Variants in VWA5B2 observed in about 807,000 individuals in gnomAD.
VWA5B2 encodes von Willebrand factor A domain-containing protein 5B2.
A neutral mutation model predicts 118.5 loss-of-function variants in VWA5B2; 93 were observed. That is an observed-to-expected ratio of 0.79 (90% CI 0.66 to 0.93). VWA5B2 has a LOEUF of 0.93. VWA5B2 is among the 40% of genes least tolerant of loss of function. The pLI is 0.00. For missense variants in VWA5B2, 1,546 were observed against 1,672.8 expected (o/e 0.92, Z 1.32); for synonymous variants, 708 against 716.3 (o/e 0.99, Z 0.19).
In VWA5B2 at chr3:184,238,903, G is replaced by A; in HGVS notation, c.2202+30G>A. 2 of 1,454,296 alleles carry A rather than the reference G, an allele frequency of 1.4e-6. No individual in the cohort carries two copies. The highest frequency in any genetic ancestry group is 1.8e-6 in the Non-Finnish European group (2 of 1,097,398). 90.1% of individuals were successfully genotyped at this position (1,454,296 alleles called of 1,614,324 possible). On this transcript the variant is annotated intron_variant, in intron 14 of 19. Transcript: ENST00000691901. This position sits in a 1 kb window ranked among gnomAD's most constrained non-coding sequence, Gnocchi z 5.0. Reference sequence around the variant, plus strand: ...GATCCAACCCACATTCATTCGCCTTGTATCCAGCAAATATTTATTTACCAC... The same window carrying A: ...GATCCAACCCACATTCATTCGCCTTATATCCAGCAAATATTTATTTACCAC...
rs1001347533 is a variant in VWA5B2, at chr3:184,240,050, G to A, written c.2740+14G>A. ...CAGCTGACCGGGGTGAGTTGCTCAT[G>A]GGTCCAGTCAGGACCCAAAGGCATG... On this transcript the variant is annotated intron_variant, in intron 16 of 19. Transcript: ENST00000691901. The A allele has an allele frequency of 1.3e-6, 2 of 1,520,008 alleles. No homozygotes were observed. Among genetic ancestry groups the A allele is most frequent in the African/African-American group, 2.8e-5 (2 of 72,432 alleles). 94.2% of individuals were successfully genotyped at this position (1,520,008 alleles called of 1,614,324 possible). A position where few individuals can be genotyped will look rare whatever the true frequency, so the allele number is the denominator to read the frequency against.
At chr3:184,232,960 T>C in intron 3 of VWA5B2, 1 of 573,212 alleles carries the variant, frequency 1.7e-6, no homozygotes, top group Non-Finnish European at 3.1e-6. Flanking sequence ...TCACTGCTGC[T>C]CTTGCCTGAT....
In VWA5B2 at chr3:184,239,389, T is replaced by A. The variant is rs1718322420; in HGVS notation, c.2203-5T>A. Reference sequence around the variant, plus strand: ...TGACCAGTGGCCCCCATATCTCACATGCAGGTGGGGGCCTTGAGTACTGAG... The same window carrying A: ...TGACCAGTGGCCCCCATATCTCACAAGCAGGTGGGGGCCTTGAGTACTGAG... On this transcript the variant is annotated splice_polypyrimidine_tract_variant and splice_region_variant and intron_variant, in intron 14 of 19. Coordinates refer to ENST00000691901, the MANE Select transcript of VWA5B2 (RefSeq NM_001390846.1). The surrounding 1 kb of genome is among the most constrained non-coding windows in gnomAD (Gnocchi z 5.1). 3 of 1,533,106 alleles carry A rather than the reference T, an allele frequency of 2.0e-6. No homozygotes were observed. The highest frequency in any genetic ancestry group is 2.8e-5 in the African/African-American group (2 of 72,614). 95.0% of individuals were successfully genotyped at this position (1,533,106 alleles called of 1,614,324 possible). A position where few individuals can be genotyped will look rare whatever the true frequency, so the allele number is the denominator to read the frequency against.
intron 6 of VWA5B2, 32 bp from the exon 7 acceptor site, chr3:184,234,599 T>C (rs1577088185): frequency 6.5e-7 from 1 of 1,548,662 alleles, no homozygotes; most frequent in East Asian, 2.4e-5. Flanking sequence ...AGGCAGGGCC[T>C]TCCTTGACAG....
In VWA5B2 at chr3:184,235,256, C is replaced by G. The variant is rs190343206; in HGVS notation, c.1049C>G (p.Thr350Arg). 1.7e-4 allele frequency: 267 copies of G among 1,551,622 alleles called. 4 individuals carry two copies. The Middle Eastern group carries it at 4.3e-3, about 25-fold the overall frequency. Residue 350 changes from threonine (T) to arginine (R), a missense_variant, in exon 8 of 20, where the codon ACA (threonine) becomes AGA (arginine). This residue lies in a region of VWA5B2 where 775 missense variants were observed against 882.3 expected (regional missense o/e 0.88). Coordinates refer to ENST00000691901, the MANE Select transcript of VWA5B2 (RefSeq NM_001390846.1). ...DLSSKPGHLG[T>R]ATRELLFLLD... ...AGCTCCAAGCCCGGACACCTGGGGA[C>G]AGCTACTCGGGAGCTACTCTTCCTT... is the stretch of plus-strand genomic sequence containing the variant.
Position 184,241,347 on chromosome 3 carries a change from C to T in VWA5B2, c.3123C>T (p.Ser1041=), listed in dbSNP as rs1424227250. Residue 1041 remains serine (S), a synonymous_variant, in exon 19 of 20, where the codon AGC becomes AGT. Transcript: ENST00000691901. The surrounding 1 kb of genome is among the most constrained non-coding windows in gnomAD (Gnocchi z 5.1). ...LSMGRRHKLC[S]PDPGQANNSE... ...TGGGCCGCCGTCACAAACTCTGTAGCCCTGACCCGGGCCAGGCCAACAACA... is the reference window on the plus strand; with the variant it reads ...TGGGCCGCCGTCACAAACTCTGTAGTCCTGACCCGGGCCAGGCCAACAACA... 3.2e-6 allele frequency: 5 copies of T among 1,552,712 alleles called. No individual in the cohort carries two copies. In the East Asian group the frequency reaches 7.3e-5, roughly 23 times the overall value.
intron 8 of VWA5B2, among the ~76,000 whole-genome samples, 180 bp downstream of exon 8, chr3:184,235,488 G>T (rs896148499): frequency 6.6e-6 from 1 of 152,126 alleles, no homozygotes; most frequent in Admixed American, 6.5e-5. Flanking sequence ...TGCTCCAACC[G>T]CCAAACAGAC....
chr3:184,234,145 C>A, intron 5 of VWA5B2, 121 bp from the exon 6 acceptor site: 1 of 1,279,026 alleles, frequency 7.8e-7, no homozygotes, highest in South Asian at 1.5e-5. Flanking sequence ...CCTCGTCCAT[C>A]TGACCCCATA....
At position 184,241,399 on chromosome 3, in the gene VWA5B2, C is replaced by A; in HGVS notation, c.3175C>A (p.Pro1059Thr). ...NSEGSDHDYLPLVRLQEAPGS... is the reference protein window; with the variant it reads ...NSEGSDHDYLTLVRLQEAPGS... The stretch of plus-strand genomic sequence containing the variant: ...TGAAGGCAGCGACCATGACTACCTG[C>A]CCTTGGTGAGGACTCGGGAGGTGGA... Residue 1059 changes from proline to threonine, a missense_variant, in exon 19 of 20, where the codon CCC becomes ACC. Physicochemically the swap from Pro to Thr is conservative, Grantham distance 38 (BLOSUM62 -1). This residue lies in a region of VWA5B2 where 763 missense variants were observed against 766.6 expected (regional missense o/e 1.00). Coordinates refer to ENST00000691901, the MANE Select transcript of VWA5B2 (RefSeq NM_001390846.1). The surrounding 1 kb of genome is among the most constrained non-coding windows in gnomAD (Gnocchi z 5.1). 1 of 1,580,600 alleles carries A rather than the reference C, an allele frequency of 6.3e-7. No homozygotes were observed.
At position 184,241,196 on chromosome 3, in the gene VWA5B2, G is replaced by A; in HGVS notation, c.2972G>A (p.Arg991Lys). The change falls in exon 19 of 20, where the codon AGA (arginine) becomes AAA (lysine). Residue 991 changes from arginine to lysine, a missense_variant. This residue lies in a region of VWA5B2 where 763 missense variants were observed against 766.6 expected (regional missense o/e 1.00). Coordinates refer to ENST00000691901, the MANE Select transcript of VWA5B2 (RefSeq NM_001390846.1). This position sits in a 1 kb window ranked among gnomAD's most constrained non-coding sequence, Gnocchi z 5.1. ...PTVVYSKGLQ[R>K]GSPAGAWDSD... ...ATGATCCCCACTGCAGGACTTCAGA[G>A]AGGCTCTCCAGCAGGCGCCTGGGAC... 1 of 1,550,760 alleles carries A rather than the reference G, an allele frequency of 6.4e-7. No individual in the cohort carries two copies. The highest frequency in any genetic ancestry group is 8.7e-7 in the Non-Finnish European group (1 of 1,146,440).
rs374950252 is a variant in VWA5B2 at position 184,238,632 on chromosome 3, G to A, written c.1961G>A (p.Arg654His). 2.4e-5 allele frequency: 38 copies of A among 1,551,818 alleles called. No homozygotes were observed. The highest frequency in any genetic ancestry group is 5.9e-5 in the South Asian group (5 of 84,072). ...CCCTCTGACACAGCCATATGGCGCC[G>A]CATCTTTCAGTCCTCGTACATTCGG... Reference protein sequence around the residue: ...PNPSDTAIWRRIFQSSYIREQ... With the variant: ...PNPSDTAIWRHIFQSSYIREQ... Residue 654 changes from arginine to histidine, a missense_variant, in exon 14 of 20, where the codon CGC (arginine) becomes CAC (histidine). Physicochemically the swap from Arg to His is conservative, Grantham distance 29. Around this residue, in one of 3 missense-constraint regions of VWA5B2, gnomAD observed 775 missense variants for 882.3 expected, o/e 0.88. Coordinates refer to ENST00000691901, the MANE Select transcript of VWA5B2 (RefSeq NM_001390846.1). This position sits in a 1 kb window ranked among gnomAD's most constrained non-coding sequence, Gnocchi z 5.0.
At position 184,239,960 on chromosome 3, in the gene VWA5B2, G is replaced by A; in HGVS notation, c.2664G>A (p.Arg888=). The change falls in exon 16 of 20, where the codon CGG becomes CGA. Residue 888 remains arginine (R), a synonymous_variant. Transcript: ENST00000691901. The surrounding 1 kb of genome is among the most constrained non-coding windows in gnomAD (Gnocchi z 5.1). ...REAAWDQALH[R]LTAASVVRDN... ...CTGCTTGGGACCAAGCACTCCATCG[G>A]CTGACAGCAGCCTCTGTGGTCCGGG... 6.4e-6 allele frequency: 10 copies of A among 1,551,050 alleles called. No homozygotes were observed. Among genetic ancestry groups the A allele is most frequent in the Non-Finnish European group, 8.7e-6 (10 of 1,146,954 alleles).
rs779061272 is a variant in VWA5B2, at chr3:184,241,799, G to A, written c.3490G>A (p.Gly1164Ser). Residue 1164 changes from glycine to serine, a missense_variant, in exon 20 of 20, where the codon GGC becomes AGC. Gly to Ser is a moderately conservative substitution (Grantham distance 56). This residue lies in a region of VWA5B2 where 763 missense variants were observed against 766.6 expected (regional missense o/e 1.00). Coordinates refer to ENST00000691901, the MANE Select transcript of VWA5B2 (RefSeq NM_001390846.1). The surrounding 1 kb of genome is among the most constrained non-coding windows in gnomAD (Gnocchi z 5.1). Reference sequence around the variant, plus strand: ...AGGGCTGGGCGGCACCGACCTGCGGGGCCGGACCTGGGCCACTGCCGTAGC... The same window carrying A: ...AGGGCTGGGCGGCACCGACCTGCGGAGCCGGACCTGGGCCACTGCCGTAGC... ...AEGLGGTDLR[G>S]RTWATAVALA... is the part of the protein sequence containing the mutation. The A allele has an allele frequency of 4.5e-5, 68 of 1,501,730 alleles. No homozygotes were observed. Among genetic ancestry groups the A allele is most frequent in the Non-Finnish European group, 5.4e-5 (61 of 1,127,106 alleles). 93.0% of individuals were successfully genotyped at this position (1,501,730 alleles called of 1,614,324 possible).
Position 184,241,006 on chromosome 3 carries a change from T to C in VWA5B2, c.2879-18T>C. 6.4e-7 allele frequency: 1 copy of C among 1,551,462 alleles called. No individual in the cohort carries two copies. The highest frequency in any genetic ancestry group is 8.7e-7 in the Non-Finnish European group (1 of 1,146,914). ...CTCTCCTGGACAAACCTGACTCCTG[T>C]CCCATGTGCCCCTGCAGAGCCCGCT... On this transcript the variant is annotated intron_variant, in intron 17 of 19. Coordinates refer to ENST00000691901, the MANE Select transcript of VWA5B2 (RefSeq NM_001390846.1). The surrounding 1 kb of genome is among the most constrained non-coding windows in gnomAD (Gnocchi z 5.1).
chr3:184,234,781 C>T lies in VWA5B2; in HGVS notation c.945+26C>T, dbSNP rs1382155019. 14 of 1,550,646 alleles carry T rather than the reference C, an allele frequency of 9.0e-6. No homozygotes were observed. The East Asian group carries it at 3.4e-4, about 38-fold the overall frequency. ...GTACCGCCATAGGAGCCTGGCCTGG[C>T]CCCTGGCCTTGGCTGCATTTGTGCA... On this transcript the variant is annotated intron_variant, in intron 7 of 19. Transcript: ENST00000691901.
rs1718582834 is a variant in VWA5B2 at position 184,241,185 on chromosome 3, A to G, written c.2963-2A>G. 3 of 1,550,806 alleles carry G rather than the reference A, an allele frequency of 1.9e-6. No individual in the cohort carries two copies. Among genetic ancestry groups the G allele is most frequent in the Admixed American group, 2.0e-5 (1 of 50,944 alleles). On this transcript the variant is annotated splice_acceptor_variant, in intron 18 of 19. Transcript: ENST00000691901. LOFTEE classifies it high-confidence loss of function. This position sits in a 1 kb window ranked among gnomAD's most constrained non-coding sequence, Gnocchi z 5.1. ...CCCTGGCACTGATGATCCCCACTGC[A>G]GGACTTCAGAGAGGCTCTCCAGCAG...
intron 3 of VWA5B2, among the ~76,000 whole-genome samples, chr3:184,231,891 T>G (rs1717431223): frequency 6.6e-6 from 1 of 152,170 alleles, no homozygotes; most frequent in Non-Finnish European, 1.5e-5. Context: ...TAGAGTGAGC[T>G]CTGGGCTGAG....
Position 184,230,677 on chromosome 3 carries a change from G to C in VWA5B2, c.139+10G>C. 1 of 1,247,540 alleles carries C rather than the reference G, an allele frequency of 8.0e-7. No individual in the cohort carries two copies. The highest frequency in any genetic ancestry group is 1.0e-6 in the Non-Finnish European group (1 of 998,494). The allele number at this position is 1,247,540 out of a possible 1,614,324, so 77.3% of individuals were successfully genotyped here. A position where few individuals can be genotyped will look rare whatever the true frequency, so the allele number is the denominator to read the frequency against. ...CCGCAGCCGGTGGACGGTGAGGCCC[G>C]GGTGGGGCGCGGGCGCGGCGGGGGG... On this transcript the variant is annotated intron_variant, in intron 2 of 19. Transcript: ENST00000691901.
At chr3:184,240,450 G>GGCTA (rs1264837728) in intron 16 of VWA5B2, 9 of 397,610 alleles carry the variant, frequency 2.3e-5, no homozygotes, top group African/African-American at 1.6e-4. Context: ...TGTGACTAGT[G>GGCTA]GCTACCACAT....
Sources: allele counts gnomAD v4.1 joint callset (sites outside exome capture counted in the v4.1 genomes callset), GRCh38; gene constraint gnomAD v4.1.1; regional missense constraint gnomAD v4.1.1; non-coding constraint Gnocchi (gnomAD v3.1); transcripts MANE v1.5; gene names NCBI Gene and HGNC (gene_info 2026-07-23, HGNC 2026-07-21).